CCDC7: variants seen among roughly 807,000 people sequenced by gnomAD.
CCDC7 encodes the protein coiled-coil domain-containing protein 7.
Under a neutral mutation model 196.9 loss-of-function variants are expected in CCDC7, and 183 were observed. That is an observed-to-expected ratio of 0.93 (90% CI 0.82 to 1.05). The LOEUF is 1.05. Ranked by LOEUF, CCDC7 falls within the 50% of genes least tolerant of loss-of-function variation. CCDC7 has a pLI of 0.00. For missense variants in CCDC7, 1,540 were observed against 1,482.2 expected (o/e 1.04, Z -0.64); for synonymous variants, 525 against 484.6 (o/e 1.08, Z -1.10).
In CCDC7 at chr10:32,757,780, G is replaced by GA. The variant is rs896865087; in HGVS notation, c.2906-21191dup. 1.1e-4 allele frequency among the ~76,000 whole-genome samples: 16 copies of GA among 151,774 alleles called. No homozygotes were observed. In the East Asian group the frequency reaches 1.2e-3, roughly 11 times the overall value. ...AGCAGAACTGAAGGAGATAGAGACA[G>GA]AAAAAACCCTTCAAAAAATCAATGA... On this transcript the variant is annotated intron_variant, in intron 28 of 41. Transcript: ENST00000639629.
intron 3 of CCDC7, among the ~76,000 whole-genome samples, chr10:32,460,942 A>C (rs1003862640): frequency 6.6e-6 from 1 of 152,182 alleles, no homozygotes; most frequent in South Asian, 2.1e-4. Flanking sequence ...CCACAGATCT[A>C]GAGTTAGTGT....
At chr10:32,759,731 A>T (rs914084007) in intron 28 of CCDC7, among the ~76,000 whole-genome samples, 2 of 152,240 alleles carry the variant, frequency 1.3e-5, no homozygotes, top group Admixed American at 1.3e-4. Context: ...AACAAAAGGC[A>T]AAATTGACAA....
chr10:32,676,888 G>A (rs1275286095), intron 21 of CCDC7, among the ~76,000 whole-genome samples: 3 of 152,122 alleles, frequency 2.0e-5, no homozygotes, highest in Non-Finnish European at 2.9e-5. Context: ...CCAAAGGTCT[G>A]TAAATCATGC....
intron 21 of CCDC7, among the ~76,000 whole-genome samples, chr10:32,685,488 T>C (rs2076364608): frequency 6.6e-6 from 1 of 152,206 alleles, no homozygotes; most frequent in African/African-American, 2.4e-5. Context: ...AAAGGGGCTT[T>C]ACTGGCTCAA....
chr10:32,840,300 T>G (rs184753803), intron 33 of CCDC7, among the ~76,000 whole-genome samples: 1 of 152,112 alleles, frequency 6.6e-6, no homozygotes, highest in East Asian at 1.9e-4. Flanking sequence ...ATAAGCTCAA[T>G]TAGAAATGAA....
At chr10:32,856,401 C>G (rs1004224026) in intron 41 of CCDC7, among the ~76,000 whole-genome samples, 9 of 152,144 alleles carry the variant, frequency 5.9e-5, no homozygotes, top group Non-Finnish European at 2.9e-5. Flanking sequence ...TGGGCATAGG[C>G]CAGCCTCCTA....
intron 18 of CCDC7, among the ~76,000 whole-genome samples, chr10:32,620,882 T>C (rs1052249517): frequency 3.9e-5 from 6 of 152,226 alleles, no homozygotes; most frequent in Admixed American, 3.9e-4. Context: ...ATTGTAAATA[T>C]GGTATGCAGA....
intron 9 of CCDC7, among the ~76,000 whole-genome samples, chr10:32,503,544 G>A (rs1022631650): frequency 6.6e-6 from 1 of 152,128 alleles, no homozygotes; most frequent in Non-Finnish European, 1.5e-5. Flanking sequence ...CTAGTATTGT[G>A]TTGAAGATTT....
intron 20 of CCDC7, among the ~76,000 whole-genome samples, chr10:32,642,315 G>A (rs552082312): frequency 6.6e-6 from 1 of 152,310 alleles, no homozygotes; most frequent in East Asian, 1.9e-4. Flanking sequence ...GAGTTTCCCA[G>A]CCGCTTTGTT....
At chr10:32,466,667 C>G (rs537676856) in intron 5 of CCDC7, among the ~76,000 whole-genome samples, 1 of 152,186 alleles carries the variant, frequency 6.6e-6, no homozygotes, top group Non-Finnish European at 1.5e-5. Context: ...TTTATCCAGT[C>G]AACCACTGAT....
chr10:32,743,669 G>A (rs889726959), intron 28 of CCDC7, among the ~76,000 whole-genome samples: 2 of 152,146 alleles, frequency 1.3e-5, no homozygotes, highest in African/African-American at 4.8e-5. Flanking sequence ...AAATGATACT[G>A]CTATAAAGAC....
intron 24 of CCDC7, among the ~76,000 whole-genome samples, chr10:32,702,746 G>T (rs575420897): frequency 6.7e-6 from 1 of 149,590 alleles, no homozygotes; most frequent in Admixed American, 6.6e-5. Flanking sequence ...AGCTCTTCTT[G>T]TTGATCCCTT....
intron 24 of CCDC7, among the ~76,000 whole-genome samples, chr10:32,705,511 G>C (rs979333256): frequency 1.2e-4 from 18 of 152,090 alleles, no homozygotes; most frequent in Non-Finnish European, 2.2e-4. Context: ...CCAATTAAAA[G>C]ACACAGACTG....
chr10:32,571,919 CCCT>C, intron 16 of CCDC7, 26 bp downstream of exon 17: 1 of 1,561,820 alleles, frequency 6.4e-7, no homozygotes, highest in Non-Finnish European at 8.6e-7. Flanking sequence ...AAAATTTGTT[CCCT>C]CATTTTCTAA....
At chr10:32,776,048 G>A (rs1005985889) in intron 28 of CCDC7, among the ~76,000 whole-genome samples, 4 of 146,068 alleles carry the variant, frequency 2.7e-5, no homozygotes, top group Middle Eastern at 3.4e-3. Flanking sequence ...ACCAAACACC[G>A]CATATTCTCA....
intron 11 of CCDC7, among the ~76,000 whole-genome samples, chr10:32,534,946 A>C (rs930955148): frequency 6.6e-6 from 1 of 151,856 alleles, no homozygotes; most frequent in African/African-American, 2.4e-5. Flanking sequence ...GGAACCCAGC[A>C]TTGGTGGGAA....
chr10:32,456,639 G>A (rs144617342), intron 3 of CCDC7, among the ~76,000 whole-genome samples: 1 of 152,202 alleles, frequency 6.6e-6, no homozygotes, highest in Non-Finnish European at 1.5e-5. Context: ...CTCATTAAGA[G>A]CATGTAAGTA....
chr10:32,660,114 C>A (rs1054912141), intron 20 of CCDC7, among the ~76,000 whole-genome samples: 5 of 147,854 alleles, frequency 3.4e-5, no homozygotes, highest in African/African-American at 1.2e-4. Context: ...CTCTGTTTTT[C>A]TTTTTTTTTT....
intron 9 of CCDC7, among the ~76,000 whole-genome samples, chr10:32,500,970 G>A (rs1354048130): frequency 6.6e-6 from 1 of 152,216 alleles, no homozygotes; most frequent in Non-Finnish European, 1.5e-5. Flanking sequence ...CAGGCAGGGA[G>A]GTTGCAGTGA....
Sources: allele counts gnomAD v4.1 joint callset (sites outside exome capture counted in the v4.1 genomes callset), GRCh38; gene constraint gnomAD v4.1.1; transcripts MANE v1.5; gene names NCBI Gene and HGNC (gene_info 2026-07-23, HGNC 2026-07-21).